The following DLC1 variants were observed in gnomAD, a reference collection of about 807,000 sequenced individuals.
DLC1 encodes DLC1 Rho GTPase activating protein.
Under a neutral mutation model 140.3 loss-of-function variants are expected in DLC1, and 54 were observed. The observed-to-expected ratio is 0.38, with a 90% CI of 0.31 to 0.48. The LOEUF (loss-of-function observed/expected upper bound fraction) is 0.48, where lower values mean the gene tolerates loss of function less well. DLC1 is among the 20% of genes least tolerant of loss of function. DLC1 has a pLI of 0.96. For missense variants in DLC1, 2,536 were observed against 1,907.0 expected, an observed-to-expected ratio of 1.33 and a Z score of -6.14; for synonymous variants, 986 against 728.1, an observed-to-expected ratio of 1.35 and a Z score of -5.70.
At chr8:13,576,894 C>G (rs184470075) in intron 1 of DLC1, among the ~76,000 whole-genome samples, 27 of 152,280 alleles carry the variant, frequency 1.8e-4, no homozygotes, top group Non-Finnish European at 1.0e-4. Context: ...CCAAGCGTGG[C>G]TGTTGAAAAT....
intron 5 of DLC1, among the ~76,000 whole-genome samples, chr8:13,242,986 T>A (rs1829606707): frequency 6.6e-6 from 1 of 151,940 alleles, no homozygotes; most frequent in Non-Finnish European, 1.5e-5. Flanking sequence ...TCCCCCTTGT[T>A]GTTCTCGTGA....
chr8:13,323,696 TG>T (rs776083424), intron 4 of DLC1, among the ~76,000 whole-genome samples: 39 of 152,222 alleles, frequency 2.6e-4, no homozygotes, highest in Non-Finnish European at 3.1e-4. Context: ...ATGGTATTCG[TG>T]CCCTTTTTAT....
intron 5 of DLC1, among the ~76,000 whole-genome samples, chr8:13,256,266 A>G (rs1432711700): frequency 6.6e-6 from 1 of 152,212 alleles, no homozygotes; most frequent in African/African-American, 2.4e-5. Flanking sequence ...TAGGAACTCA[A>G]ACAAGGTTTT....
chr8:13,389,768 G>A (rs1302201645), intron 4 of DLC1, among the ~76,000 whole-genome samples: 2 of 152,060 alleles, frequency 1.3e-5, no homozygotes, highest in Non-Finnish European at 2.9e-5. Context: ...AATTTCTGTG[G>A]TTGTTACTGT....
intron 10 of DLC1, 29 bp from the exon 11 acceptor site, chr8:13,095,274 T>C (rs1411545959): frequency 6.2e-7 from 1 of 1,613,774 alleles, no homozygotes; most frequent in Non-Finnish European, 8.5e-7. Context: ...ATGGTGGTGT[T>C]GGCGGAGACA....
chr8:13,372,650 AT>A (rs1835780376), intron 4 of DLC1, among the ~76,000 whole-genome samples: 1 of 152,094 alleles, frequency 6.6e-6, no homozygotes, highest in Admixed American at 6.6e-5. Context: ...GCGCTAAACT[AT>A]TTCCTCATCT....
chr8:13,567,976 A>C (rs1405553391), intron 1 of DLC1: 2 of 1,495,082 alleles, frequency 1.3e-6, no homozygotes, highest in Non-Finnish European at 1.8e-6. Context: ...TTTGTTGTGT[A>C]TTTGAGTAAT....
chr8:13,101,185 A>G (rs1585621665), intron 8 of DLC1, among the ~76,000 whole-genome samples: 1 of 152,344 alleles, frequency 6.6e-6, no homozygotes, highest in East Asian at 1.9e-4. Context: ...TGTTGGGATT[A>G]CAGGCATGAG....
At chr8:13,405,244 A>G (rs1405789497) in intron 2 of DLC1, among the ~76,000 whole-genome samples, 1 of 152,146 alleles carries the variant, frequency 6.6e-6, no homozygotes, top group Non-Finnish European at 1.5e-5. Context: ...CCTGTCACCC[A>G]GGTAGTGAGC....
chr8:13,364,067 G>A (rs75179947), intron 4 of DLC1, among the ~76,000 whole-genome samples: 2,392 of 152,224 alleles, frequency 0.016, 64 homozygotes, highest in African/African-American at 0.053. Context: ...GCACACGCAT[G>A]CATGTGACTT....
intron 4 of DLC1, among the ~76,000 whole-genome samples, chr8:13,373,481 C>G (rs926192601): frequency 6.6e-6 from 1 of 152,208 alleles, no homozygotes; most frequent in African/African-American, 2.4e-5. Context: ...TTGTCCTGAT[C>G]TGTTCCCTTT....
At chr8:13,388,384 G>C (rs926064687) in intron 4 of DLC1, among the ~76,000 whole-genome samples, 4 of 151,950 alleles carry the variant, frequency 2.6e-5, no homozygotes, top group Non-Finnish European at 5.9e-5. Context: ...GATCATTCCA[G>C]AGCTGAAACT....
rs568932797 is a variant in DLC1, at chr8:13,563,114, CT to C, written c.-126+41422del. Among the ~76,000 whole-genome samples, 364 of 152,180 alleles carry C rather than the reference CT, an allele frequency of 2.4e-3. 1 individual carries two copies. The highest frequency in any genetic ancestry group is 6.4e-3 in the Admixed American group (98 of 15,278). On this transcript the variant is annotated intron_variant, in intron 1 of 1. Coordinates refer to the DLC1 transcript ENST00000631382. ...AAACTTCTCTTCCTGCTCCTTTTTA[CT>C]TTTTCATTTATAAAAATTATTTGTA...
intron 5 of DLC1, among the ~76,000 whole-genome samples, chr8:13,117,033 G>A (rs1820611924): frequency 1.3e-5 from 2 of 152,144 alleles, no homozygotes; most frequent in Non-Finnish European, 2.9e-5. Context: ...AATTATTTGA[G>A]CTTACTTTTT....
At chr8:13,253,215 T>C (rs991693384) in intron 5 of DLC1, among the ~76,000 whole-genome samples, 1 of 152,218 alleles carries the variant, frequency 6.6e-6, no homozygotes, top group Non-Finnish European at 1.5e-5. Flanking sequence ...AGAATAGTCA[T>C]GCAAATTTTG....
Position 13,505,251 on chromosome 8 carries a change from G to A in DLC1, c.-125-5055C>T, listed in dbSNP as rs146456198. ...ATGAAGCAATGATTTTCAGTGCATA[G>A]GATTCTGTGAGGAGTGAGATTAGGG... On this transcript the variant is annotated intron_variant, in intron 1 of 17. Transcript: ENST00000276297. Among the ~76,000 whole-genome samples, 16 of 152,122 alleles carry A rather than the reference G, an allele frequency of 1.1e-4. No individual in the cohort carries two copies. In the East Asian group the frequency reaches 3.1e-3, roughly 29 times the overall value.
intron 1 of DLC1, among the ~76,000 whole-genome samples, chr8:13,513,238 CTT>C: frequency 6.6e-6 from 1 of 152,052 alleles, no homozygotes; most frequent in East Asian, 1.9e-4. Context: ...GAGACCATCT[CTT>C]ATGTTCTTTC....
intron 2 of DLC1, among the ~76,000 whole-genome samples, chr8:13,419,614 C>T (rs192899954): frequency 4.6e-5 from 7 of 152,270 alleles, no homozygotes; most frequent in African/African-American, 1.2e-4. Flanking sequence ...ATTCTGTTTG[C>T]CAGTATTTTA....
chr8:13,148,641 G>T (rs1362510770), intron 5 of DLC1, among the ~76,000 whole-genome samples: 3 of 151,916 alleles, frequency 2.0e-5, no homozygotes, highest in Admixed American at 6.6e-5. Flanking sequence ...GGTAACATCT[G>T]CAGGCTTGAG....
Sources: allele counts gnomAD v4.1 joint callset (sites outside exome capture counted in the v4.1 genomes callset), GRCh38; gene constraint gnomAD v4.1.1; transcripts MANE v1.5; gene names NCBI Gene and HGNC (gene_info 2026-07-23, HGNC 2026-07-21).